MCTP2: variants seen among roughly 807,000 people sequenced by gnomAD.
The protein encoded by MCTP2 is multiple C2 and transmembrane domain containing 2.
A neutral mutation model predicts 111.6 loss-of-function variants in MCTP2; 132 were observed. The observed-to-expected ratio is 1.18, with a 90% CI of 1.03 to 1.37. MCTP2 has a LOEUF of 1.37. Among genes scored for constraint, MCTP2 ranks in the 40% most tolerant of loss-of-function variants. The pLI is 0.00. For missense variants in MCTP2, 1,183 were observed against 1,067.9 expected, an observed-to-expected ratio of 1.11 and a Z score of -1.50; for synonymous variants, 395 against 387.7, an observed-to-expected ratio of 1.02 and a Z score of -0.22.
At chr15:94,436,474 ATATATATC>A (rs1567702908) in intron 17 of MCTP2, among the ~76,000 whole-genome samples, 1 of 152,212 alleles carries the variant, frequency 6.6e-6, no homozygotes, top group Non-Finnish European at 1.5e-5. Flanking sequence ...GATTTAAAAA[ATATATATC>A]TAAAGGCAAT....
intron 10 of MCTP2, among the ~76,000 whole-genome samples, chr15:94,366,237 C>T (rs1488600582): frequency 6.6e-6 from 1 of 152,062 alleles, no homozygotes; most frequent in Non-Finnish European, 1.5e-5. Context: ...TTTAAAAATA[C>T]TTTTTTTGTA....
intron 16 of MCTP2, among the ~76,000 whole-genome samples, chr15:94,401,178 G>T (rs1056059545): frequency 2.0e-5 from 3 of 152,068 alleles, no homozygotes; most frequent in African/African-American, 7.2e-5. Context: ...CCTAGGGTAT[G>T]CTAGGACCCT....
intron 20 of MCTP2, among the ~76,000 whole-genome samples, chr15:94,463,179 A>G (rs1329304884): frequency 6.6e-6 from 1 of 152,208 alleles, no homozygotes; most frequent in Non-Finnish European, 1.5e-5. Flanking sequence ...GACTGCATTA[A>G]TTGGGAAAGA....
chr15:94,429,137 C>T lies in MCTP2; in HGVS notation c.2086-11039C>T, dbSNP rs151280308. On this transcript the variant is annotated intron_variant, in intron 17 of 22. Coordinates refer to ENST00000357742, the MANE Select transcript of MCTP2 (RefSeq NM_001385001.1). ...ACCCCCTCTATATCTATCCCCCTAC[C>T]GACGTCTATGCCTGTGTCATCTGCT... 6.1e-3 allele frequency among the ~76,000 whole-genome samples: 925 copies of T among 151,602 alleles called. 7 individuals carry two copies. The highest frequency in any genetic ancestry group is 0.02 in the African/African-American group (844 of 41,296).
At chr15:94,355,737 G>A (rs905904812) in intron 8 of MCTP2, among the ~76,000 whole-genome samples, 1 of 152,320 alleles carries the variant, frequency 6.6e-6, no homozygotes, top group Middle Eastern at 3.4e-3. Flanking sequence ...ATTTCTGAAT[G>A]CCCAGAGATA....
At chr15:94,383,465 G>A (rs1351649511) in intron 12 of MCTP2, among the ~76,000 whole-genome samples, 3 of 152,130 alleles carry the variant, frequency 2.0e-5, no homozygotes, top group African/African-American at 7.2e-5. Flanking sequence ...CTCTTTTCAC[G>A]TTGCTGATAA....
At chr15:94,358,136 AT>A (rs1161989962) in intron 9 of MCTP2, among the ~76,000 whole-genome samples, 1 of 152,240 alleles carries the variant, frequency 6.6e-6, no homozygotes, top group Non-Finnish European at 1.5e-5. Context: ...CAATTAAGCA[AT>A]TAGTGTGATG....
At chr15:94,472,594 T>C (rs1459799888) in intron 21 of MCTP2, among the ~76,000 whole-genome samples, 1 of 152,198 alleles carries the variant, frequency 6.6e-6, no homozygotes, top group Non-Finnish European at 1.5e-5. Context: ...TTAAATGGTA[T>C]GGAGTTTATT....
intron 1 of MCTP2, among the ~76,000 whole-genome samples, chr15:94,234,923 G>C (rs1184066477): frequency 1.3e-5 from 2 of 152,166 alleles, no homozygotes; most frequent in African/African-American, 4.8e-5. Context: ...ATGGAGTCCA[G>C]GAGGGTCATT....
At chr15:94,387,053 T>C (rs1197137516) in intron 14 of MCTP2, among the ~76,000 whole-genome samples, 1 of 152,164 alleles carries the variant, frequency 6.6e-6, no homozygotes, top group East Asian at 1.9e-4. Flanking sequence ...TTGAAGGATC[T>C]GGTTTGTGAA....
intron 1 of MCTP2, among the ~76,000 whole-genome samples, chr15:94,254,429 C>T (rs1411318465): frequency 1.3e-5 from 2 of 152,140 alleles, no homozygotes; most frequent in African/African-American, 2.4e-5. Context: ...ATGTTTATAA[C>T]CCTTGATTTC....
chr15:94,239,853 G>A (rs887568295), intron 1 of MCTP2, among the ~76,000 whole-genome samples: 1 of 152,176 alleles, frequency 6.6e-6, no homozygotes, highest in Non-Finnish European at 1.5e-5. Context: ...AACTATTTAT[G>A]TGCCCCCAAA....
At chr15:94,298,777 TCTCTTTCC>T (rs781356623) in intron 2 of MCTP2, 47 bp downstream of exon 2, 8 of 1,222,700 alleles carry the variant, frequency 6.5e-6, no homozygotes, top group South Asian at 3.0e-5. Context: ...TCTCTCTCTC[TCTCTTTCC>T]CTCTCTTTCT....
At chr15:94,287,257 C>G (rs1237373579) in intron 1 of MCTP2, among the ~76,000 whole-genome samples, 2 of 150,338 alleles carry the variant, frequency 1.3e-5, no homozygotes, top group African/African-American at 4.9e-5. Flanking sequence ...TTTTTCTGGA[C>G]ACATCTTTTT....
chr15:94,448,317 C>G (rs1244238093), intron 19 of MCTP2, among the ~76,000 whole-genome samples: 16 of 152,110 alleles, frequency 1.1e-4, no homozygotes, highest in Admixed American at 3.3e-4. Flanking sequence ...GATTTCTATT[C>G]TAAGGATTGT....
intron 20 of MCTP2, among the ~76,000 whole-genome samples, chr15:94,463,412 CAT>C: frequency 6.6e-6 from 1 of 152,244 alleles, no homozygotes; most frequent in Middle Eastern, 3.4e-3. Context: ...CTGTTACTCA[CAT>C]ATAGACATGA....
chr15:94,385,658 T>A, intron 14 of MCTP2, 133 bp downstream of exon 14: 2 of 630,294 alleles, frequency 3.2e-6, no homozygotes, highest in Admixed American at 2.5e-5. Context: ...ACGACTGTTT[T>A]ATTCCTCATT....
rs57851445 is a variant in MCTP2 at position 94,407,775 on chromosome 15, G to GCACACA, written c.2085+5793_2085+5798dup. 4.6e-3 allele frequency among the ~76,000 whole-genome samples: 683 copies of GCACACA among 147,782 alleles called. 4 individuals are homozygous for GCACACA. The highest frequency in any genetic ancestry group is 0.016 in the African/African-American group (635 of 40,170). ...ACCCTTCCAACACACATGTACTTGT[G>GCACACA]CACACACACACACACACACACACAC... On this transcript the variant is annotated intron_variant, in intron 17 of 22. Coordinates refer to ENST00000357742, the MANE Select transcript of MCTP2 (RefSeq NM_001385001.1).
intron 1 of MCTP2, among the ~76,000 whole-genome samples, chr15:94,268,773 A>G (rs1596231096): frequency 7.9e-6 from 1 of 126,708 alleles, no homozygotes; most frequent in Non-Finnish European, 1.7e-5. Context: ...ACATTTCTAC[A>G]TTGACTTTTT....
Sources: allele counts gnomAD v4.1 joint callset (sites outside exome capture counted in the v4.1 genomes callset), GRCh38; gene constraint gnomAD v4.1.1; transcripts MANE v1.5; gene names NCBI Gene and HGNC (gene_info 2026-07-23, HGNC 2026-07-21).